The following ARFGEF3 variants were observed in gnomAD, a reference collection of about 807,000 sequenced individuals.
The protein encoded by ARFGEF3 is ARFGEF family member 3, also known as brefeldin A-inhibited guanine nucleotide-exchange protein 3.
Under a neutral mutation model 221.7 loss-of-function variants are expected in ARFGEF3, and 96 were observed. That is an observed-to-expected ratio of 0.43 (90% CI 0.37 to 0.51). The LOEUF (loss-of-function observed/expected upper bound fraction) is 0.51. Ranked by LOEUF, ARFGEF3 falls within the 20% of genes least tolerant of loss-of-function variation. ARFGEF3 has a pLI of 0.00. For synonymous variants in ARFGEF3, 1,145 were observed against 1,126.8 expected, an observed-to-expected ratio of 1.02 and a Z score of -0.32; for missense variants, 2,410 against 2,789.9, an observed-to-expected ratio of 0.86 and a Z score of 3.07.
rs111562872 is a variant in ARFGEF3, at chr6:138,181,326, C to G, written c.137+10613C>G. On this transcript the variant is annotated intron_variant, in intron 2 of 33. Transcript: ENST00000251691. Reference sequence around the variant, plus strand: ...GAAACAAGCCATGGCCACTCATCCTCTCTTTATGACCAATAGTTGATGACT... The same window carrying G: ...GAAACAAGCCATGGCCACTCATCCTGTCTTTATGACCAATAGTTGATGACT... 4.9e-3 allele frequency among the ~76,000 whole-genome samples: 747 copies of G among 152,314 alleles called. 8 individuals carry two copies. Among genetic ancestry groups the G allele is most frequent in the African/African-American group, 0.017 (689 of 41,576 alleles).
At chr6:138,322,252 CCGTTCT>C (rs1390327040) in intron 29 of ARFGEF3, among the ~76,000 whole-genome samples, 1 of 152,154 alleles carries the variant, frequency 6.6e-6, no homozygotes, top group Non-Finnish European at 1.5e-5. Context: ...TTACATCTCC[CCGTTCT>C]CAGGCTTTCA....
In ARFGEF3 at chr6:138,255,460, C is replaced by T. The variant is rs892775801; in HGVS notation, c.795C>T (p.Ile265=). 8 of 1,607,592 alleles carry T rather than the reference C, an allele frequency of 5.0e-6. No individual in the cohort carries two copies. The African/African-American group carries it at 5.3e-5, about 11-fold the overall frequency. Residue 265 remains isoleucine (I), a synonymous_variant, in exon 10 of 34, where the codon ATC becomes ATT. Transcript: ENST00000251691. ...LIWKNLCPAL[I]VILGNPIHDK... is the part of the protein sequence containing the mutation. ...GGAAAAACCTCTGCCCTGCTCTCATCGTGATCTTGGGGAATCCAATTCATG... is the reference window on the plus strand; with the variant it reads ...GGAAAAACCTCTGCCCTGCTCTCATTGTGATCTTGGGGAATCCAATTCATG...
chr6:138,307,606 A>G (rs913893677), intron 23 of ARFGEF3, among the ~76,000 whole-genome samples: 1 of 152,220 alleles, frequency 6.6e-6, no homozygotes, highest in East Asian at 1.9e-4. Flanking sequence ...GTTCTTGCTG[A>G]CAATTGGACA....
At chr6:138,244,149 G>T (rs1778443304) in intron 7 of ARFGEF3, among the ~76,000 whole-genome samples, 1 of 152,128 alleles carries the variant, frequency 6.6e-6, no homozygotes, top group Non-Finnish European at 1.5e-5. Context: ...ACTTGTGTGG[G>T]TTTTATTAAA....
chr6:138,228,068 C>T (rs1778120255), intron 4 of ARFGEF3, among the ~76,000 whole-genome samples: 1 of 152,168 alleles, frequency 6.6e-6, no homozygotes, highest in African/African-American at 2.4e-5. Context: ...TACCAAATCC[C>T]AGTTCCCAAA....
In ARFGEF3 at chr6:138,342,804, C is replaced by G. The variant is rs919049117; in HGVS notation, c.*6318C>G. ...ATTAGCCATTTGAGATGAGATGAGA[C>G]TACTTGTTGTACCTTCATCTTTCAT... On this transcript the variant is annotated 3_prime_UTR_variant, in exon 34 of 34. Transcript: ENST00000251691. The G allele has an allele frequency of 2.0e-5, 3 of 152,176 alleles. No individual in the cohort carries two copies. The highest frequency in any genetic ancestry group is 7.2e-5 in the African/African-American group (3 of 41,450). The allele number at this position is 152,176 out of a possible 1,614,324, so 9.4% of individuals were successfully genotyped here. A position where few individuals can be genotyped will look rare whatever the true frequency, so the allele number is the denominator to read the frequency against.
chr6:138,272,342 A>G (rs1779018820), intron 12 of ARFGEF3, among the ~76,000 whole-genome samples: 1 of 152,112 alleles, frequency 6.6e-6, no homozygotes, highest in African/African-American at 2.4e-5. Context: ...TTTTGAGTAG[A>G]GACGTGGTTT....
intron 2 of ARFGEF3, among the ~76,000 whole-genome samples, chr6:138,186,710 A>C (rs545516496): frequency 6.6e-6 from 1 of 152,266 alleles, no homozygotes; most frequent in Admixed American, 6.5e-5. Context: ...GGAGGCTGTT[A>C]GAATTTGAAG....
chr6:138,216,518 C>A (rs1215104722), intron 4 of ARFGEF3: 1 of 152,060 alleles, frequency 6.6e-6, no homozygotes, highest in Non-Finnish European at 1.5e-5. Flanking sequence ...AGTCCCCTCT[C>A]GGTAATGTTT....
chr6:138,294,542 A>G (rs925730234), intron 20 of ARFGEF3, among the ~76,000 whole-genome samples: 3 of 152,198 alleles, frequency 2.0e-5, no homozygotes, highest in Non-Finnish European at 2.9e-5. Flanking sequence ...GCAACCACTA[A>G]TTCCAAAAGG....
At chr6:138,324,856 T>G (rs950262823) in intron 31 of ARFGEF3, among the ~76,000 whole-genome samples, 1 of 152,202 alleles carries the variant, frequency 6.6e-6, no homozygotes, top group Admixed American at 6.5e-5. Context: ...TACCCTAAGC[T>G]CTTAAGTGAC....
intron 12 of ARFGEF3, among the ~76,000 whole-genome samples, chr6:138,274,310 GCTA>G (rs1284359636): frequency 1.3e-5 from 2 of 152,056 alleles, no homozygotes; most frequent in East Asian, 3.9e-4. Context: ...AATCCTGAAT[GCTA>G]CTTTCTGTTT....
At chr6:138,216,889 A>T (rs529318274) in intron 4 of ARFGEF3, 1 of 152,366 alleles carries the variant, frequency 6.6e-6, no homozygotes, top group African/African-American at 2.4e-5. Context: ...GGTTCTGCTA[A>T]GTAAATGGTT....
intron 12 of ARFGEF3, among the ~76,000 whole-genome samples, chr6:138,276,951 CCA>C (rs1175016672): frequency 4.6e-5 from 7 of 152,170 alleles, no homozygotes; most frequent in Non-Finnish European, 1.5e-5. Context: ...CAGGTGTGAG[CCA>C]CTGCACCTGG....
intron 7 of ARFGEF3, among the ~76,000 whole-genome samples, chr6:138,243,259 A>G: frequency 6.6e-6 from 1 of 152,170 alleles, no homozygotes; most frequent in East Asian, 1.9e-4. Context: ...TCTCATTTGG[A>G]GGCGGGCTTT....
intron 25 of ARFGEF3, among the ~76,000 whole-genome samples, chr6:138,311,973 T>C (rs1032213235): frequency 1.3e-5 from 2 of 152,048 alleles, no homozygotes; most frequent in Non-Finnish European, 2.9e-5. Context: ...CTGGACAACA[T>C]GGTAAAATCC....
chr6:138,292,462 A>G (rs1192876603), intron 19 of ARFGEF3, among the ~76,000 whole-genome samples: 1 of 152,242 alleles, frequency 6.6e-6, no homozygotes, highest in Non-Finnish European at 1.5e-5. Flanking sequence ...TATTATGATT[A>G]TGGCTGTTTT....
chr6:138,224,500 C>T (rs1285157595), intron 4 of ARFGEF3, among the ~76,000 whole-genome samples: 2 of 152,222 alleles, frequency 1.3e-5, no homozygotes, highest in Non-Finnish European at 2.9e-5. Context: ...TTCTTCCATA[C>T]CACCAGGGCT....
Position 138,168,719 on chromosome 6 carries a change from C to T in ARFGEF3, c.86-1943C>T, listed in dbSNP as rs75015169. Among the ~76,000 whole-genome samples the T allele has an allele frequency of 5.4e-3, 816 of 152,314 alleles. 8 individuals are homozygous for T. The highest frequency in any genetic ancestry group is 0.017 in the African/African-American group (697 of 41,574). ...TTTCAAACTTATTATTCCCTCCACT[C>T]GGAGTGACCTCTCCTTATCTACTTT... On this transcript the variant is annotated intron_variant, in intron 1 of 33. Coordinates refer to ENST00000251691, the MANE Select transcript of ARFGEF3 (RefSeq NM_020340.5).
Sources: allele counts gnomAD v4.1 joint callset (sites outside exome capture counted in the v4.1 genomes callset), GRCh38; gene constraint gnomAD v4.1.1; transcripts MANE v1.5; gene names NCBI Gene and HGNC (gene_info 2026-07-23, HGNC 2026-07-21).